Variants in IL34 observed in about 807,000 individuals in gnomAD.
IL34 encodes interleukin-34.
IL34 carries 17 observed loss-of-function variants against 25.3 expected under a neutral mutation model. The ratio of observed to expected loss-of-function variants is 0.67; its 90% CI spans 0.46 to 1.01. IL34 has a LOEUF of 1.01. Ranked by LOEUF, IL34 falls within the 50% of genes least tolerant of loss-of-function variation. The pLI, the probability that IL34 is intolerant of heterozygous loss-of-function variation, is 0.00. For synonymous variants in IL34, 174 were observed against 140.9 expected (o/e 1.23, Z -1.66); for missense variants, 368 against 312.9 (o/e 1.18, Z -1.33).
intron 1 of IL34, among the ~76,000 whole-genome samples, chr16:70,581,652 G>A (rs1225798020): frequency 2.6e-5 from 4 of 152,194 alleles, no homozygotes; most frequent in African/African-American, 7.2e-5. Flanking sequence ...GACAGAGACA[G>A]TCTAACGCAG....
rs2051336032 is a variant in IL34, at chr16:70,624,004, C to T, written c.-400-22544C>T. 2.6e-5 allele frequency among the ~76,000 whole-genome samples: 4 copies of T among 151,284 alleles called. No individual in the cohort carries two copies. In the South Asian group the frequency reaches 6.4e-4, roughly 24 times the overall value. On this transcript the variant is annotated intron_variant, in intron 1 of 6. Coordinates refer to the IL34 transcript ENST00000429149. Reference sequence around the variant, plus strand: ...ACTGTGAGAGTTACTCGAAGCTCGGCGTCTGTGATGGTCTACGGGGCTTTC... The same window carrying T: ...ACTGTGAGAGTTACTCGAAGCTCGGTGTCTGTGATGGTCTACGGGGCTTTC...
At chr16:70,635,389 T>C (rs16970406) in intron 1 of IL34, among the ~76,000 whole-genome samples, 17,067 of 152,262 alleles carry the variant, frequency 0.11, 1,012 homozygotes, top group South Asian at 0.17. Context: ...CTTTGTTTTC[T>C]TTTGTCTCCT....
intron 1 of IL34, among the ~76,000 whole-genome samples, chr16:70,650,703 C>G (rs532789885): frequency 2.5e-4 from 38 of 152,304 alleles, no homozygotes; most frequent in Non-Finnish European, 4.9e-4. Context: ...GTCTGTGGTT[C>G]CAGACCCCCA....
In IL34 at chr16:70,656,660, T is replaced by C. The variant is rs769962627; in HGVS notation, c.221T>C (p.Ile74Thr). ...ISVPYEGVFR[I>T]ANVTRLQRAQ... ...GTGCCTTACGAGGGGGTGTTCAGAATCGCCAACGTCACCAGGCTGGTGAGA... is the reference window on the plus strand; with the variant it reads ...GTGCCTTACGAGGGGGTGTTCAGAACCGCCAACGTCACCAGGCTGGTGAGA... The change falls in exon 3 of 6, where the codon ATC (isoleucine) becomes ACC (threonine). Residue 74 changes from isoleucine (I) to threonine (T), a missense_variant. Transcript: ENST00000288098. The C allele has an allele frequency of 2.8e-6, 4 of 1,416,210 alleles. No homozygotes were observed. Among genetic ancestry groups the C allele is most frequent in the Non-Finnish European group, 4.0e-6 (4 of 999,278 alleles). 87.7% of individuals were successfully genotyped at this position (1,416,210 alleles called of 1,614,324 possible).
At chr16:70,619,667 C>T (rs1053398838) in intron 1 of IL34, among the ~76,000 whole-genome samples, 2 of 152,098 alleles carry the variant, frequency 1.3e-5, no homozygotes, top group Non-Finnish European at 2.9e-5. Context: ...GAGAGTTACT[C>T]GAAGCTCAGC....
intron 1 of IL34, among the ~76,000 whole-genome samples, chr16:70,616,217 C>A (rs191822988): frequency 1.3e-5 from 2 of 152,188 alleles, no homozygotes; most frequent in Non-Finnish European, 2.9e-5. Flanking sequence ...TTCCCAGAAA[C>A]GGCATTGCTA....
upstream of IL34, among the ~76,000 whole-genome samples, chr16:70,644,126 C>A (rs1296848371): frequency 6.6e-6 from 1 of 152,184 alleles, no homozygotes; most frequent in East Asian, 1.9e-4. Flanking sequence ...AGGCATGCAC[C>A]ACCACACCTG....
chr16:70,651,163 G>T (rs1162542241), intron 1 of IL34, among the ~76,000 whole-genome samples: 1 of 152,108 alleles, frequency 6.6e-6, no homozygotes, highest in Non-Finnish European at 1.5e-5. Context: ...GCAGAAAGGG[G>T]AGACCCTGGC....
upstream of IL34, among the ~76,000 whole-genome samples, chr16:70,641,792 C>T (rs1490642407): frequency 6.0e-5 from 4 of 66,474 alleles, no homozygotes; most frequent in South Asian, 7.2e-4. Context: ...GTCTTGAACT[C>T]CTGGGCTCAA....
In IL34 at chr16:70,659,657, C is replaced by G. The variant is rs200891924; in HGVS notation, c.442C>G (p.Leu148Val). The G allele has an allele frequency of 1.2e-6, 2 of 1,612,870 alleles. No individual in the cohort carries two copies. The highest frequency in any genetic ancestry group is 2.7e-5 in the African/African-American group (2 of 74,896). Residue 148 changes from leucine to valine, a missense_variant, in exon 5 of 6, where the codon CTC becomes GTC. Coordinates refer to ENST00000288098, the MANE Select transcript of IL34 (RefSeq NM_001393494.1). Reference protein sequence around the residue: ...VSPKVESVLSLLNAPGPNLKL... With the variant: ...VSPKVESVLSVLNAPGPNLKL... ...CCCCAAGGTGGAATCCGTGTTGTCC[C>G]TCTTGAATGCCCCAGGGCCAAACCT...
At chr16:70,581,729 A>G (rs1198910194) in intron 1 of IL34, among the ~76,000 whole-genome samples, 1 of 152,160 alleles carries the variant, frequency 6.6e-6, no homozygotes, top group Non-Finnish European at 1.5e-5. Context: ...CCTGACCATG[A>G]ACTTCCACCA....
intron 1 of IL34, among the ~76,000 whole-genome samples, chr16:70,611,628 C>G (rs2051092380): frequency 6.6e-6 from 1 of 151,802 alleles, no homozygotes; most frequent in South Asian, 2.1e-4. Context: ...CATATCTACA[C>G]AAAATTTAAA....
intron 1 of IL34, among the ~76,000 whole-genome samples, chr16:70,620,665 AAG>A (rs1169245655): frequency 6.6e-6 from 1 of 152,176 alleles, no homozygotes; most frequent in Admixed American, 6.5e-5. Context: ...TGATGTGTAA[AAG>A]AATGCCTGGA....
At chr16:70,609,471 T>G (rs1954471901) in intron 1 of IL34, among the ~76,000 whole-genome samples, 1 of 152,068 alleles carries the variant, frequency 6.6e-6, no homozygotes, top group Non-Finnish European at 1.5e-5. Flanking sequence ...GTCTTCTGTT[T>G]GTAAAATGGA....
chr16:70,594,306 G>T (rs1460338152), intron 1 of IL34, among the ~76,000 whole-genome samples: 3 of 152,194 alleles, frequency 2.0e-5, no homozygotes, highest in Non-Finnish European at 2.9e-5. Flanking sequence ...GGGTTGTATA[G>T]TACTCCTCAT....
At chr16:70,596,399 A>G (rs1418750461) in intron 1 of IL34, among the ~76,000 whole-genome samples, 1 of 152,220 alleles carries the variant, frequency 6.6e-6, no homozygotes, top group Non-Finnish European at 1.5e-5. Flanking sequence ...CAGAGGCACA[A>G]AGAGGACCGT....
At chr16:70,630,584 CT>C (rs982285689) in intron 1 of IL34, among the ~76,000 whole-genome samples, 3 of 141,800 alleles carry the variant, frequency 2.1e-5, no homozygotes, top group East Asian at 2.1e-4. Context: ...TTTCTTTTTT[CT>C]TTTTTTTTTC....
intron 1 of IL34, chr16:70,654,260 A>G (rs2052155156): frequency 3.4e-6 from 1 of 295,046 alleles, no homozygotes; most frequent in Non-Finnish European, 6.3e-6. Context: ...AGAAGCGGGG[A>G]GACCAGACGT....
At chr16:70,642,071 T>C (rs186429410), upstream of IL34, among the ~76,000 whole-genome samples, 11 of 152,214 alleles carry the variant, frequency 7.2e-5, no homozygotes, top group Non-Finnish European at 1.5e-4. Flanking sequence ...ATAGACCGGG[T>C]GGCTTAAACA....
Sources: gnomAD v4.1 joint callset for allele counts (sites outside exome capture counted in the v4.1 genomes callset) on GRCh38, gnomAD v4.1.1 for gene constraint, MANE v1.5 for transcripts, NCBI Gene and HGNC (gene_info 2026-07-23, HGNC 2026-07-21) for gene names.